MROH2A: variants seen among roughly 807,000 people sequenced by gnomAD.
MROH2A encodes maestro heat-like repeat-containing protein family member 2A.
A neutral mutation model predicts 200.4 loss-of-function variants in MROH2A; 174 were observed. That is an observed-to-expected ratio of 0.87 (90% CI 0.77 to 0.98). The LOEUF (loss-of-function observed/expected upper bound fraction) is 0.98. Ranked by LOEUF, MROH2A falls within the 50% of genes least tolerant of loss-of-function variation. MROH2A has a pLI of 0.00. For synonymous variants in MROH2A, 829 were observed against 840.4 expected, an observed-to-expected ratio of 0.99 and a Z score of 0.23; for missense variants, 2,045 against 2,139.6, an observed-to-expected ratio of 0.96 and a Z score of 0.87.
At chr2:233,792,467 C>T (rs1181230623) in intron 5 of MROH2A, among the ~76,000 whole-genome samples, 1 of 152,150 alleles carries the variant, frequency 6.6e-6, no homozygotes, top group Admixed American at 6.5e-5. Flanking sequence ...CGCCTGCCAA[C>T]ACGCCCGGCC....
chr2:233,831,063 G>A lies in MROH2A; in HGVS notation c.4603-346G>A, dbSNP rs542421295. 9.8e-5 allele frequency among the ~76,000 whole-genome samples: 15 copies of A among 152,330 alleles called. No homozygotes were observed. The East Asian group carries it at 2.9e-3, about 29-fold the overall frequency. ...GCAGATGCTGGTGGACTGGGCCTGG[G>A]AGGTGAGGACACGTGCCCAGTCTTG... On this transcript the variant is annotated intron_variant, in intron 38 of 41. Coordinates refer to ENST00000389758, the MANE Select transcript of MROH2A (RefSeq NM_001394639.1).
Position 233,822,437 on chromosome 2 carries a change from C to T in MROH2A, c.3747C>T (p.Leu1249=), listed in dbSNP as rs1704007697. ...NDKLPDFLPD[L]IYTLLLQLGS... is the part of the protein sequence containing the mutation. ...AGCTCCCGGACTTCCTCCCTGACCT[C>T]ATCTACACCCTCCTGCTGCAGCTTG... is the stretch of plus-strand genomic sequence containing the variant. Residue 1249 remains leucine, a synonymous_variant, in exon 33 of 42, where the codon CTC becomes CTT. Transcript: ENST00000389758. 2.6e-6 allele frequency: 4 copies of T among 1,545,518 alleles called. No individual in the cohort carries two copies. The highest frequency in any genetic ancestry group is 2.8e-5 in the African/African-American group (2 of 71,310).
At chr2:233,811,237 C>T (rs745747952) in intron 23 of MROH2A, among the ~76,000 whole-genome samples, 2 of 152,222 alleles carry the variant, frequency 1.3e-5, no homozygotes, top group Non-Finnish European at 2.9e-5. Context: ...CCTGTCTCTC[C>T]GTGGGAGGGC....
chr2:233,792,086 C>T (rs375750885), intron 5 of MROH2A, among the ~76,000 whole-genome samples: 3 of 152,040 alleles, frequency 2.0e-5, no homozygotes, highest in East Asian at 1.9e-4. Context: ...CTTCTGTGTT[C>T]GCCCAAGAAC....
intron 34 of MROH2A, 129 bp downstream of exon 34, chr2:233,823,147 C>T (rs1704064826): frequency 1.1e-6 from 1 of 943,280 alleles, no homozygotes. Context: ...ACTGCCACGC[C>T]AACCTGTGAC....
intron 9 of MROH2A, 30 bp downstream of exon 9, chr2:233,795,775 G>C (rs1342800811): frequency 1.3e-6 from 2 of 1,550,870 alleles, no homozygotes; most frequent in South Asian, 2.4e-5. Context: ...CTGGACAAGG[G>C]CATTCTCTGG....
chr2:233,796,014 G>A lies in MROH2A; in HGVS notation c.1107G>A (p.Leu369=), dbSNP rs28900428. 81 of 1,550,610 alleles carry A rather than the reference G, an allele frequency of 5.2e-5. No homozygotes were observed. The East Asian group carries it at 8.6e-4, about 16-fold the overall frequency. ...AGCATCAGTACAGCAGCCAGAATCT[G>A]ATGGAGATGGTGCACTGCTTCGTAG... ...PAQHQYSSQN[L]MEMVHCFVAL... is the part of the protein sequence containing the mutation. The change falls in exon 10 of 42, where the codon CTG becomes CTA. Residue 369 remains leucine, a synonymous_variant. Coordinates refer to ENST00000389758, the MANE Select transcript of MROH2A (RefSeq NM_001394639.1).
At chr2:233,806,618 G>A (rs934700340) in intron 19 of MROH2A, among the ~76,000 whole-genome samples, 1 of 152,074 alleles carries the variant, frequency 6.6e-6, no homozygotes, top group Non-Finnish European at 1.5e-5. Context: ...TGATCATGAC[G>A]TATGTTGGGG....
rs547589385 is a variant in MROH2A at position 233,828,887 on chromosome 2, C to T, written c.4264-3C>T. The T allele has an allele frequency of 8.4e-6, 13 of 1,550,422 alleles. No homozygotes were observed. Among genetic ancestry groups the T allele is most frequent in the South Asian group, 2.4e-5 (2 of 84,064 alleles). On this transcript the variant is annotated splice_region_variant and splice_polypyrimidine_tract_variant and intron_variant, in intron 36 of 41. Coordinates refer to ENST00000389758, the MANE Select transcript of MROH2A (RefSeq NM_001394639.1). The surrounding 1 kb of genome is among the most constrained non-coding windows in gnomAD (Gnocchi z 4.6). ...AGGCTGAGGGCTGCCCATGCCCCTCCAGGTGAAGCAGTACCGGAAGGTCTT... is the reference window on the plus strand; with the variant it reads ...AGGCTGAGGGCTGCCCATGCCCCTCTAGGTGAAGCAGTACCGGAAGGTCTT...
chr2:233,778,452 G>C lies in MROH2A; in HGVS notation c.-44G>C, dbSNP rs774326380. On this transcript the variant is annotated 5_prime_UTR_variant, in exon 1 of 42. Transcript: ENST00000389758. Reference sequence around the variant, plus strand: ...GAGCTTTTTCTTGTGGTTAATATCTGTTTAATCCAGAAGAAGACCCTAAGG... The same window carrying C: ...GAGCTTTTTCTTGTGGTTAATATCTCTTTAATCCAGAAGAAGACCCTAAGG... 1 of 169,280 alleles carries C rather than the reference G, an allele frequency of 5.9e-6. No homozygotes were observed. The highest frequency in any genetic ancestry group is 1.5e-5 in the Non-Finnish European group (1 of 68,312). 10.5% of individuals were successfully genotyped at this position (169,280 alleles called of 1,614,324 possible).
upstream of MROH2A, among the ~76,000 whole-genome samples, chr2:233,776,665 TCTTA>T (rs1282229839): frequency 1.3e-5 from 2 of 152,160 alleles, no homozygotes; most frequent in Non-Finnish European, 2.9e-5. Context: ...CTCAGGGGCC[TCTTA>T]CTTTTGGCCA....
At position 233,807,470 on chromosome 2, in the gene MROH2A, G is replaced by A; in HGVS notation, c.2100G>A (p.Glu700=). Residue 700 remains glutamate, a synonymous_variant, in exon 20 of 42, where the codon GAG becomes GAA. Coordinates refer to ENST00000389758, the MANE Select transcript of MROH2A (RefSeq NM_001394639.1). The surrounding 1 kb of genome is among the most constrained non-coding windows in gnomAD (Gnocchi z 4.3). Reference sequence around the variant, plus strand: ...GCTTCACCTTGGCCACAGGCCTGGAGGCCAGCAAGGTGGAGGTCCTGCTGT... The same window carrying A: ...GCTTCACCTTGGCCACAGGCCTGGAAGCCAGCAAGGTGGAGGTCCTGCTGT... ...ALGFTLATGL[E]ASKVEVLLLE... The A allele has an allele frequency of 6.4e-7, 1 of 1,550,610 alleles. No individual in the cohort carries two copies. The highest frequency in any genetic ancestry group is 8.7e-7 in the Non-Finnish European group (1 of 1,146,992).
Position 233,829,707 on chromosome 2 carries a change from G to A in MROH2A, c.4534G>A (p.Gly1512Arg). The part of the protein sequence containing the change: ...VGMSKKHFFK[G>R]EVKKAWIPLM... ...GATGTCCAAGAAGCATTTCTTCAAA[G>A]GGGAGGTGAAGAAGGCCTGGATCCC... The change falls in exon 38 of 42, where the codon GGG becomes AGG. Residue 1512 changes from glycine (G) to arginine (R), a missense_variant. Gly to Arg is a moderately radical substitution (Grantham distance 125, BLOSUM62 -2). Around this residue, in one of 3 missense-constraint regions of MROH2A, gnomAD observed 1,201 missense variants for 1,311.3 expected, o/e 0.92. Transcript: ENST00000389758. The A allele has an allele frequency of 1.3e-6, 2 of 1,495,842 alleles. No homozygotes were observed. The highest frequency in any genetic ancestry group is 1.8e-6 in the Non-Finnish European group (2 of 1,119,888). 92.7% of individuals were successfully genotyped at this position (1,495,842 alleles called of 1,614,324 possible). A position where few individuals can be genotyped will look rare whatever the true frequency, so the allele number is the denominator to read the frequency against.
At chr2:233,794,317 G>A in intron 7 of MROH2A, 46 bp from the exon 8 acceptor site, 1 of 1,408,850 alleles carries the variant, frequency 7.1e-7, no homozygotes, top group Non-Finnish European at 9.8e-7. Flanking sequence ...TGGCCTTGCT[G>A]GAGGGTGGTG....
At position 233,821,230 on chromosome 2, in the gene MROH2A, G is replaced by A. The variant is rs190905561; in HGVS notation, c.3513-894G>A. ...GGTGTCAGCTGGGCTGCATTCCAGA[G>A]CCTGGGGTTGTCTTCCAGGATTGTG... On this transcript the variant is annotated intron_variant, in intron 31 of 41. Coordinates refer to ENST00000389758, the MANE Select transcript of MROH2A (RefSeq NM_001394639.1). Among the ~76,000 whole-genome samples the A allele has an allele frequency of 3.1e-3, 471 of 152,330 alleles. 12 individuals carry two copies. Among genetic ancestry groups the A allele is most frequent in the East Asian group, 3.9e-4 (2 of 5,188 alleles).
rs1468264096 is a variant in MROH2A at position 233,795,720 on chromosome 2, C to T, written c.1034C>T (p.Thr345Ile). 1.3e-6 allele frequency: 2 copies of T among 1,551,074 alleles called. No homozygotes were observed. Among genetic ancestry groups the T allele is most frequent in the Non-Finnish European group, 1.7e-6 (2 of 1,147,132 alleles). ...NTPVPQMQLH[T>I]IFTELHVQVC... ...CCTGTCCCCCAAATGCAGCTACACA[C>T]CATTTTCACAGAACTGCACGTCCAG... is the stretch of plus-strand genomic sequence containing the variant. Residue 345 changes from threonine (T) to isoleucine (I), a missense_variant, in exon 9 of 42, where the codon ACC becomes ATC. Around this residue, in one of 3 missense-constraint regions of MROH2A, gnomAD observed 831 missense variants for 800.0 expected, o/e 1.04. Transcript: ENST00000389758.
chr2:233,780,305 G>A (rs1700890721), intron 3 of MROH2A, among the ~76,000 whole-genome samples: 1 of 152,188 alleles, frequency 6.6e-6, no homozygotes, highest in South Asian at 2.1e-4. Flanking sequence ...ACAAGGTTTT[G>A]GACTAGACAA....
intron 3 of MROH2A, among the ~76,000 whole-genome samples, chr2:233,788,132 T>TATATATACATATA (rs1559438187): frequency 9.4e-6 from 1 of 106,928 alleles, no homozygotes; most frequent in African/African-American, 3.8e-5. Flanking sequence ...ACATATATAT[T>TATATATACATATA]TTATATATAT....
intron 38 of MROH2A, among the ~76,000 whole-genome samples, chr2:233,831,147 T>A (rs1194213984): frequency 6.6e-6 from 1 of 152,152 alleles, no homozygotes; most frequent in Non-Finnish European, 1.5e-5. Flanking sequence ...CAGGCAGGGC[T>A]GCTGAGGGCA....
Sources: allele counts gnomAD v4.1 joint callset (sites outside exome capture counted in the v4.1 genomes callset), GRCh38; gene constraint gnomAD v4.1.1; regional missense constraint gnomAD v4.1.1; non-coding constraint Gnocchi (gnomAD v3.1); transcripts MANE v1.5; gene names NCBI Gene and HGNC (gene_info 2026-07-23, HGNC 2026-07-21).